Variants in PRH1 observed in about 807,000 individuals in gnomAD.
PRH1 encodes proline rich protein HaeIII subfamily 1, also known as salivary acidic proline-rich phosphoprotein 1/2.
Under a neutral mutation model 7.9 loss-of-function variants are expected in PRH1, and 7 were observed. That is an observed-to-expected ratio of 0.89 (90% CI 0.50 to 1.67). PRH1 has a LOEUF of 1.67. Ranked by LOEUF, PRH1 falls within the 40% of genes most tolerant of loss-of-function variation. PRH1 has a pLI of 0.00. For missense variants in PRH1, 109 were observed against 223.6 expected (o/e 0.49, Z 3.27); for synonymous variants, 45 against 80.8 (o/e 0.56, Z 2.38).
At chr12:11,026,975 A>G (rs1474785154) in intron 1 of PRH1, among the ~76,000 whole-genome samples, 1 of 152,256 alleles carries the variant, frequency 6.6e-6, no homozygotes, top group Non-Finnish European at 1.5e-5. Flanking sequence ...TATATTAATA[A>G]TATTACAGAC....
At chr12:11,041,310 A>AC (rs1942701477) in intron 1 of PRH1, among the ~76,000 whole-genome samples, 1 of 146,386 alleles carries the variant, frequency 6.8e-6, no homozygotes, top group Non-Finnish European at 1.5e-5. Context: ...AAAAAAAAAA[A>AC]ACAAAAAAGT....
At chr12:10,885,331 G>T (rs550257371), upstream of PRH1, among the ~76,000 whole-genome samples, 1 of 151,566 alleles carries the variant, frequency 6.6e-6, no homozygotes, top group Non-Finnish European at 1.5e-5. Context: ...TCTTTTTCTC[G>T]CACTTATTTG....
intron 1 of PRH1, chr12:11,062,014 A>T: frequency 6.2e-7 from 1 of 1,613,862 alleles, no homozygotes. Context: ...CCAGTTGCTG[A>T]AATGGTTGAT....
intron 2 of PRH1, among the ~76,000 whole-genome samples, chr12:10,933,146 A>C (rs931914286): frequency 6.6e-6 from 1 of 152,128 alleles, no homozygotes; most frequent in South Asian, 2.1e-4. Flanking sequence ...AAGCTTAAAC[A>C]AGTGTTTTAA....
At chr12:10,990,867 G>GA (rs1399218366) in intron 1 of PRH1, among the ~76,000 whole-genome samples, 1 of 152,196 alleles carries the variant, frequency 6.6e-6, no homozygotes, top group Non-Finnish European at 1.5e-5. Flanking sequence ...CTGAAAGAGA[G>GA]AAAATGTTAA....
chr12:10,967,114 CAAA>C (rs35838979), intron 2 of PRH1, among the ~76,000 whole-genome samples: 28,283 of 99,392 alleles, frequency 0.28, 2,812 homozygotes, highest in Non-Finnish European at 0.29. Context: ...GACTCCGTCT[CAAA>C]AAAAAAAAAA....
chr12:11,116,036 A>G (rs1274555361), downstream of PRH1, among the ~76,000 whole-genome samples: 1 of 152,080 alleles, frequency 6.6e-6, no homozygotes, highest in Admixed American at 6.6e-5. Flanking sequence ...AAGAACACAA[A>G]TAATAAAAAT....
At chr12:11,070,813 TTC>T (rs1944031063) in intron 1 of PRH1, among the ~76,000 whole-genome samples, 1 of 147,012 alleles carries the variant, frequency 6.8e-6, no homozygotes, top group African/African-American at 2.5e-5. Flanking sequence ...CTTTTTAATT[TTC>T]TTTTGTTTTC....
intron 1 of PRH1, among the ~76,000 whole-genome samples, chr12:11,108,865 G>T (rs1197096113): frequency 3.3e-5 from 5 of 152,190 alleles, no homozygotes; most frequent in Non-Finnish European, 7.3e-5. Context: ...AAGCCAAGTT[G>T]TCTAGCTCAG....
At chr12:11,152,490 T>G (rs1947130627) in intron 1 of PRH1, among the ~76,000 whole-genome samples, 1 of 152,134 alleles carries the variant, frequency 6.6e-6, no homozygotes. Flanking sequence ...GAAGAAAATT[T>G]CTCTTCTCTC....
At chr12:11,164,646 C>T (rs1947518787) in intron 1 of PRH1, among the ~76,000 whole-genome samples, 1 of 152,034 alleles carries the variant, frequency 6.6e-6, no homozygotes, top group South Asian at 2.1e-4. Flanking sequence ...CCAAAGCCTT[C>T]TAATGTTTGT....
chr12:11,132,467 A>G (rs1463889651), intron 1 of PRH1, among the ~76,000 whole-genome samples: 2 of 152,236 alleles, frequency 1.3e-5, no homozygotes, highest in Non-Finnish European at 2.9e-5. Context: ...TACTAAAATA[A>G]TTTACATCTG....
intron 1 of PRH1, among the ~76,000 whole-genome samples, chr12:11,160,457 T>TTTTG (rs879377022): frequency 1.1e-4 from 14 of 125,878 alleles, no homozygotes; most frequent in African/African-American, 2.7e-4. Context: ...GAACTGGAAT[T>TTTTG]TTTGTTTGTT....
At chr12:11,117,011 A>G (rs556167979), downstream of PRH1, among the ~76,000 whole-genome samples, 44 of 152,236 alleles carry the variant, frequency 2.9e-4, 1 homozygote, top group South Asian at 8.9e-3. Context: ...GATCTGGAAC[A>G]TGACAAGAAT....
At chr12:10,997,789 C>G in intron 1 of PRH1, 2 of 1,613,760 alleles carry the variant, frequency 1.2e-6, no homozygotes, top group Non-Finnish European at 1.7e-6. Context: ...TGAAATTTAT[C>G]AGTGCTATAA....
At chr12:11,086,067 T>A (rs1359102463) in intron 1 of PRH1, among the ~76,000 whole-genome samples, 1 of 128,382 alleles carries the variant, frequency 7.8e-6, no homozygotes, top group Non-Finnish European at 1.8e-5. Context: ...TAGTTTTGTA[T>A]AACTTATTGT....
chr12:11,168,266 A>G (rs1364731820), intron 1 of PRH1, among the ~76,000 whole-genome samples: 15 of 50,074 alleles, frequency 3.0e-4, no homozygotes, highest in Admixed American at 6.6e-4. Context: ...GAAAGAAAGA[A>G]AGAAAGAAAG....
At chr12:10,932,564 TATGAATGTAAGCAA>T in intron 2 of PRH1, among the ~76,000 whole-genome samples, 1 of 152,184 alleles carries the variant, frequency 6.6e-6, no homozygotes, top group Non-Finnish European at 1.5e-5. Flanking sequence ...CTAGTCAGCT[TATGAATGTAAGCAA>T]AACAGGACCA....
chr12:10,964,864 A>C, intron 2 of PRH1: 3 of 552,644 alleles, frequency 5.4e-6, no homozygotes, highest in Non-Finnish European at 1.0e-5. Flanking sequence ...TGATCTCCCA[A>C]CTCACGTTTC....
Sources: gnomAD v4.1 joint callset for allele counts (sites outside exome capture counted in the v4.1 genomes callset) on GRCh38, gnomAD v4.1.1 for gene constraint, MANE v1.5 for transcripts, NCBI Gene and HGNC (gene_info 2026-07-23, HGNC 2026-07-21) for gene names.